The following CC2D2A variants were observed in gnomAD, a reference collection of about 807,000 sequenced individuals.
CC2D2A encodes coiled-coil and C2 domain containing 2A, also known as coiled-coil and C2 domain-containing protein 2A.
A neutral mutation model predicts 212.9 loss-of-function variants in CC2D2A; 155 were observed. The observed-to-expected ratio is 0.73, with a 90% confidence interval of 0.64 to 0.83. The LOEUF (loss-of-function observed/expected upper bound fraction) is 0.83. Ranked by LOEUF, CC2D2A falls within the 40% of genes least tolerant of loss-of-function variation. CC2D2A has a pLI of 0.00. For synonymous variants in CC2D2A, 667 were observed against 686.5 expected (o/e 0.97, Z 0.44); for missense variants, 1,856 against 1,956.2 (o/e 0.95, Z 0.97).
intron 24 of CC2D2A, among the ~76,000 whole-genome samples, chr4:15,566,668 T>C (rs1719894341): frequency 6.6e-6 from 1 of 151,998 alleles, no homozygotes; most frequent in South Asian, 2.1e-4. Flanking sequence ...GCCATACATC[T>C]TTGGAAAAAA....
At chr4:15,590,042 G>C (rs1356808807) in intron 33 of CC2D2A, among the ~76,000 whole-genome samples, 2 of 152,120 alleles carry the variant, frequency 1.3e-5, no homozygotes, top group Admixed American at 1.3e-4. Flanking sequence ...TTTAAGAACT[G>C]AGGCAAATTT....
At chr4:15,569,436 C>T in intron 27 of CC2D2A, 47 bp downstream of exon 27, 1 of 1,049,804 alleles carries the variant, frequency 9.5e-7, no homozygotes, top group Non-Finnish European at 1.4e-6. Flanking sequence ...CTTTCATATC[C>T]TCTACCCACT....
intron 28 of CC2D2A, 76 bp downstream of exon 28, chr4:15,570,572 G>C: frequency 1.9e-6 from 2 of 1,042,298 alleles, no homozygotes; most frequent in South Asian, 2.8e-5. Flanking sequence ...CGTTCTTTGT[G>C]GGCCAGGCGC....
At chr4:15,519,262 A>G (rs1717063842) in intron 11 of CC2D2A, 2 of 374,994 alleles carry the variant, frequency 5.3e-6, no homozygotes, top group South Asian at 4.2e-5. Flanking sequence ...TCTTTGCTAA[A>G]ATATAACAAG....
At chr4:15,600,091 T>C (rs907185946) in intron 36 of CC2D2A, among the ~76,000 whole-genome samples, 11 of 152,210 alleles carry the variant, frequency 7.2e-5, no homozygotes, top group Admixed American at 6.5e-4. Context: ...TAATAGACGA[T>C]ATACCCTCTT....
intron 25 of CC2D2A, 58 bp downstream of exon 25, chr4:15,567,540 T>C (rs1719942631): frequency 4.1e-6 from 6 of 1,462,710 alleles, no homozygotes; most frequent in Admixed American, 2.0e-5. Flanking sequence ...AAGAAATGAC[T>C]GTAAACTTCA....
chr4:15,519,220 A>T, intron 11 of CC2D2A: 1 of 301,556 alleles, frequency 3.3e-6, no homozygotes. Flanking sequence ...AGTTCCACAA[A>T]TCTCTAGGGC....
At chr4:15,546,844 G>C (rs1430818988) in intron 17 of CC2D2A, among the ~76,000 whole-genome samples, 2 of 152,186 alleles carry the variant, frequency 1.3e-5, no homozygotes, top group Non-Finnish European at 2.9e-5. Context: ...GACAGGTGTG[G>C]TCATCTAAAG....
chr4:15,493,087 C>T (rs1392908354), intron 4 of CC2D2A: 1 of 361,246 alleles, frequency 2.8e-6, no homozygotes, highest in Non-Finnish European at 5.4e-6. Flanking sequence ...TCTGCTCTGG[C>T]CTCTCATCAG....
chr4:15,549,674 G>A (rs1718897665), intron 17 of CC2D2A, among the ~76,000 whole-genome samples: 1 of 152,132 alleles, frequency 6.6e-6, no homozygotes. Flanking sequence ...GTGGTGGTGG[G>A]CGCCTGTAAT....
intron 32 of CC2D2A, among the ~76,000 whole-genome samples, chr4:15,589,037 C>CCCAATT (rs993299801): frequency 1.3e-4 from 19 of 151,772 alleles, no homozygotes; most frequent in African/African-American, 4.6e-4. Flanking sequence ...TTCCCCAACC[C>CCCAATT]CCAATTCCAC....
intron 20 of CC2D2A, 76 bp downstream of exon 20, chr4:15,555,286 A>G (rs1719220682): frequency 2.6e-6 from 4 of 1,523,092 alleles, no homozygotes; most frequent in Non-Finnish European, 3.6e-6. Context: ...ATCTTCTCCT[A>G]TGCAATACTG....
chr4:15,492,657 C>T (rs1715374527), intron 4 of CC2D2A: 2 of 582,042 alleles, frequency 3.4e-6, no homozygotes, highest in Non-Finnish European at 6.4e-6. Flanking sequence ...GCGGCAGGGA[C>T]TCCTCAGCAG....
intron 4 of CC2D2A, chr4:15,492,716 AG>A: frequency 3.8e-6 from 3 of 793,798 alleles, no homozygotes; most frequent in Non-Finnish European, 6.2e-6. Context: ...CTGGTGGTCC[AG>A]GGGTCTTACT....
At position 15,574,003 on chromosome 4, in the gene CC2D2A, G is replaced by A. The variant is rs1191729113; in HGVS notation, c.3595-147G>A. 1.6e-5 allele frequency: 10 copies of A among 619,710 alleles called. No homozygotes were observed. The East Asian group carries it at 2.8e-4, about 17-fold the overall frequency. The allele number at this position is 619,710 out of a possible 1,614,324, so 38.4% of individuals were successfully genotyped here. A position where few individuals can be genotyped will look rare whatever the true frequency, so the allele number is the denominator to read the frequency against. ...GCCCTTTCTGGCGAGTGCTTAGAGA[G>A]ATGAGATTAGAAAGATGGGATTGGC... is the stretch of plus-strand genomic sequence containing the variant. On this transcript the variant is annotated intron_variant, in intron 28 of 36. Transcript: ENST00000424120.
chr4:15,523,616 T>C (rs531520125), intron 11 of CC2D2A, among the ~76,000 whole-genome samples: 1 of 152,270 alleles, frequency 6.6e-6, no homozygotes, highest in East Asian at 1.9e-4. Context: ...ACTTAGTGGC[T>C]CAAAAAACTG....
chr4:15,596,738 T>C (rs1225075472), intron 34 of CC2D2A, among the ~76,000 whole-genome samples: 1 of 152,182 alleles, frequency 6.6e-6, no homozygotes, highest in Admixed American at 6.5e-5. Flanking sequence ...TTGAAGAACA[T>C]TACCCTAGAG....
intron 6 of CC2D2A, among the ~76,000 whole-genome samples, chr4:15,509,371 TC>T (rs1257573350): frequency 6.6e-6 from 1 of 151,918 alleles, no homozygotes; most frequent in East Asian, 1.9e-4. Context: ...CCTCCCAGGT[TC>T]AAGGGATTTT....
rs1291305967 is a variant in CC2D2A, at chr4:15,490,346, TGTAA to T, written c.247+9522_247+9525del. ...CAAACACTGATCTGTTTTCTATCCC[TGTAA>T]GTGTGTCTTTTCTGAACATTGCATG... On this transcript the variant is annotated intron_variant, in intron 4 of 36. Coordinates refer to ENST00000424120, the MANE Select transcript of CC2D2A (RefSeq NM_001378615.1). Among the ~76,000 whole-genome samples the T allele has an allele frequency of 7.2e-5, 11 of 152,326 alleles. No individual in the cohort carries two copies. In the South Asian group the frequency reaches 1.4e-3, roughly 20 times the overall value.
Sources: gnomAD v4.1 joint callset for allele counts (sites outside exome capture counted in the v4.1 genomes callset) on GRCh38, gnomAD v4.1.1 for gene constraint, MANE v1.5 for transcripts, NCBI Gene and HGNC (gene_info 2026-07-23, HGNC 2026-07-21) for gene names.